The following UBASH3B variants were observed in gnomAD, a reference collection of about 807,000 sequenced individuals.
UBASH3B encodes ubiquitin associated and SH3 domain containing B.
A neutral mutation model predicts 83.4 loss-of-function variants in UBASH3B; 37 were observed. The observed-to-expected ratio is 0.44, with a 90% CI of 0.34 to 0.58. The LOEUF (loss-of-function observed/expected upper bound fraction) is 0.58, where lower values mean the gene tolerates loss of function less well. UBASH3B is among the 20% of genes least tolerant of loss of function. UBASH3B has a pLI of 0.01. For synonymous variants in UBASH3B, 304 were observed against 318.3 expected, an observed-to-expected ratio of 0.96 and a Z score of 0.48; for missense variants, 657 against 827.2, an observed-to-expected ratio of 0.79 and a Z score of 2.52.
At chr11:122,790,064 G>T (rs563324376) in intron 6 of UBASH3B, among the ~76,000 whole-genome samples, 7 of 152,346 alleles carry the variant, frequency 4.6e-5, no homozygotes, top group Non-Finnish European at 8.8e-5. Flanking sequence ...GGGGCATCTA[G>T]CCAGGGTCTG....
intron 1 of UBASH3B, among the ~76,000 whole-genome samples, chr11:122,698,590 G>C (rs7929090): frequency 0.01 from 1,566 of 152,248 alleles, 26 homozygotes; most frequent in African/African-American, 0.034. Flanking sequence ...GCAGGTGCCA[G>C]CTGTGAGGAT....
Position 122,690,214 on chromosome 11 carries a change from T to TTATATATATATA in UBASH3B, c.161+34008_161+34019dup, listed in dbSNP as rs57890823. 4.2e-4 allele frequency among the ~76,000 whole-genome samples: 22 copies of TTATATATATATA among 52,662 alleles called. 1 individual carries two copies. Among genetic ancestry groups the TTATATATATATA allele is most frequent in the African/African-American group, 1.7e-3 (21 of 12,344 alleles). The allele number at this position is 52,662 out of a possible 152,430, so 34.5% of individuals were successfully genotyped here. ...TATATATATATATATATATATCCAA[T>TTATATATATATA]TATATATATATATATCCAATTTTAT... On this transcript the variant is annotated intron_variant, in intron 1 of 13. Coordinates refer to ENST00000284273, the MANE Select transcript of UBASH3B (RefSeq NM_032873.5).
chr11:122,797,062 G>A, intron 9 of UBASH3B, 29 bp downstream of exon 9: 2 of 1,558,522 alleles, frequency 1.3e-6, no homozygotes, highest in Non-Finnish European at 1.7e-6. Context: ...CTGCACTCCA[G>A]GCATTTCTTG....
intron 1 of UBASH3B, among the ~76,000 whole-genome samples, chr11:122,771,553 T>C (rs759406493): frequency 2.0e-5 from 3 of 152,208 alleles, no homozygotes; most frequent in Non-Finnish European, 2.9e-5. Flanking sequence ...TTACTTAGCT[T>C]TTAAGGTCCA....
chr11:122,746,972 A>G (rs1480446804), intron 1 of UBASH3B, among the ~76,000 whole-genome samples: 3 of 152,208 alleles, frequency 2.0e-5, no homozygotes, highest in Admixed American at 6.5e-5. Context: ...AATGTGGACA[A>G]TCCCAGCAGA....
chr11:122,778,416 C>T (rs1449573277), intron 3 of UBASH3B, among the ~76,000 whole-genome samples: 1 of 152,120 alleles, frequency 6.6e-6, no homozygotes. Flanking sequence ...GGGACTCATT[C>T]TTCCCAACTA....
At chr11:122,809,322 G>T (rs896922074) in intron 13 of UBASH3B, among the ~76,000 whole-genome samples, 2 of 152,152 alleles carry the variant, frequency 1.3e-5, no homozygotes, top group African/African-American at 4.8e-5. Context: ...TGACCCGCCC[G>T]CCTCGGCCTC....
At chr11:122,741,811 C>A (rs1023668019) in intron 1 of UBASH3B, among the ~76,000 whole-genome samples, 2 of 152,150 alleles carry the variant, frequency 1.3e-5, no homozygotes, top group South Asian at 2.1e-4. Context: ...GCTCTTCCCC[C>A]CTCCCTCCCA....
intron 1 of UBASH3B, among the ~76,000 whole-genome samples, chr11:122,742,086 A>T (rs193183625): frequency 1.3e-5 from 2 of 152,334 alleles, no homozygotes; most frequent in East Asian, 3.9e-4. Context: ...GGAGTTGGAC[A>T]CAGTCCAAGG....
chr11:122,666,559 C>T (rs182735054), intron 1 of UBASH3B, among the ~76,000 whole-genome samples: 4 of 152,220 alleles, frequency 2.6e-5, no homozygotes, highest in Admixed American at 2.6e-4. Flanking sequence ...GCTGGGATTA[C>T]AGGCGCGCGC....
intron 1 of UBASH3B, among the ~76,000 whole-genome samples, chr11:122,683,776 T>A (rs1565528021): frequency 8.7e-5 from 2 of 23,014 alleles, no homozygotes; most frequent in African/African-American, 1.2e-4. Flanking sequence ...TGTGTGTGTG[T>A]GAGCCAGGTT....
intron 1 of UBASH3B, among the ~76,000 whole-genome samples, chr11:122,675,399 T>C (rs529762133): frequency 2.6e-5 from 4 of 152,306 alleles, no homozygotes; most frequent in African/African-American, 9.6e-5. Flanking sequence ...AAGAGAAAGG[T>C]GACGCGGATG....
intron 1 of UBASH3B, among the ~76,000 whole-genome samples, chr11:122,725,342 A>AAAGAGAG (rs1555140847): frequency 5.4e-5 from 7 of 130,822 alleles, no homozygotes; most frequent in South Asian, 2.4e-4. Context: ...AAAAAAAAAA[A>AAAGAGAG]AAGAAAAGAA....
At chr11:122,680,690 C>T (rs1219494093) in intron 1 of UBASH3B, among the ~76,000 whole-genome samples, 5 of 151,468 alleles carry the variant, frequency 3.3e-5, no homozygotes, top group Admixed American at 2.6e-4. Context: ...CTTGAACTCC[C>T]GACCTCAAGT....
chr11:122,753,231 G>A (rs1861227806), intron 1 of UBASH3B, among the ~76,000 whole-genome samples: 2 of 151,704 alleles, frequency 1.3e-5, no homozygotes, highest in South Asian at 2.1e-4. Context: ...ATCACCTAAG[G>A]TCAGGAGTTG....
chr11:122,718,309 C>A (rs1473306310), intron 1 of UBASH3B, among the ~76,000 whole-genome samples: 1 of 152,192 alleles, frequency 6.6e-6, no homozygotes, highest in Non-Finnish European at 1.5e-5. Flanking sequence ...TGAAGCATTT[C>A]TTGTTCTAAA....
At chr11:122,755,339 T>A (rs1033650307) in intron 1 of UBASH3B, among the ~76,000 whole-genome samples, 5 of 152,164 alleles carry the variant, frequency 3.3e-5, no homozygotes, top group African/African-American at 4.8e-5. Context: ...GTAACCCACA[T>A]AGCAGTTGGC....
chr11:122,683,561 C>T (rs556025103), intron 1 of UBASH3B, among the ~76,000 whole-genome samples: 11 of 150,552 alleles, frequency 7.3e-5, no homozygotes, highest in Admixed American at 2.7e-4. Flanking sequence ...GCTGAGATTG[C>T]GCCACTGCCC....
At chr11:122,661,061 T>C (rs563681832) in intron 1 of UBASH3B, among the ~76,000 whole-genome samples, 2 of 152,300 alleles carry the variant, frequency 1.3e-5, no homozygotes, top group Non-Finnish European at 2.9e-5. Flanking sequence ...AGGATCAGGA[T>C]GCAAGATGTG....
Sources: allele counts gnomAD v4.1 joint callset (sites outside exome capture counted in the v4.1 genomes callset), GRCh38; gene constraint gnomAD v4.1.1; transcripts MANE v1.5; gene names NCBI Gene and HGNC (gene_info 2026-07-23, HGNC 2026-07-21).